Variants in MOV10L1 observed in about 807,000 individuals in gnomAD.
MOV10L1 encodes the protein RNA helicase Mov10l1.
A neutral mutation model predicts 143.8 loss-of-function variants in MOV10L1; 110 were observed. That is an observed-to-expected ratio of 0.76 (90% CI 0.66 to 0.90). The LOEUF (loss-of-function observed/expected upper bound fraction) is 0.90. Among genes scored for constraint, MOV10L1 ranks in the 40% least tolerant of loss-of-function variants. MOV10L1 has a pLI of 0.00. For missense variants in MOV10L1, 1,406 were observed against 1,526.8 expected, an observed-to-expected ratio of 0.92 and a Z score of 1.32; for synonymous variants, 593 against 581.1, an observed-to-expected ratio of 1.02 and a Z score of -0.29.
chr22:50,109,670 CAA>C (rs35087419), intron 5 of MOV10L1: 2,100 of 106,880 alleles, frequency 0.02, no homozygotes, highest in South Asian at 0.049. Context: ...GACTCCTTCT[CAA>C]AAAAAAAAAA....
chr22:50,098,442 T>G (rs2062653023), intron 2 of MOV10L1, among the ~76,000 whole-genome samples: 1 of 152,238 alleles, frequency 6.6e-6, no homozygotes, highest in South Asian at 2.1e-4. Context: ...GTTAGGTTAC[T>G]AAGTGTTCTG....
Position 50,141,328 on chromosome 22 carries a change from G to T in MOV10L1, c.2071-753G>T, listed in dbSNP as rs532028215. On this transcript the variant is annotated intron_variant, in intron 15 of 26. Transcript: ENST00000262794. Reference sequence around the variant, plus strand: ...TGGGATTATAGGCGTGAGCCACTGCGTGCAGCCTTTTTTTTTTTTATGAGT... The same window carrying T: ...TGGGATTATAGGCGTGAGCCACTGCTTGCAGCCTTTTTTTTTTTTATGAGT... 2.5e-3 allele frequency among the ~76,000 whole-genome samples: 370 copies of T among 146,732 alleles called. 4 individuals carry two copies. The highest frequency in any genetic ancestry group is 8.4e-3 in the African/African-American group (341 of 40,600).
intron 22 of MOV10L1, among the ~76,000 whole-genome samples, chr22:50,153,944 C>G (rs1198141065): frequency 6.6e-6 from 1 of 152,178 alleles, no homozygotes; most frequent in African/African-American, 2.4e-5. Flanking sequence ...CCCCGGAGGA[C>G]AGGGGTCCAG....
intron 1 of MOV10L1, chr22:50,091,341 A>T (rs1456204192): frequency 1.2e-5 from 2 of 167,390 alleles, no homozygotes; most frequent in Non-Finnish European, 2.9e-5. Flanking sequence ...CCGTGGCTGC[A>T]GCAGTGGCCA....
rs761943112 is a variant in MOV10L1 at position 50,134,078 on chromosome 22, T to C, written c.1969+13T>C. Reference sequence around the variant, plus strand: ...TTAGGTGTAAAAGGTATTACTTTTATAGAATGATAGTGTTACATCTTCACA... The same window carrying C: ...TTAGGTGTAAAAGGTATTACTTTTACAGAATGATAGTGTTACATCTTCACA... On this transcript the variant is annotated intron_variant, in intron 14 of 26. Coordinates refer to ENST00000262794, the MANE Select transcript of MOV10L1 (RefSeq NM_018995.3). 2 of 1,592,364 alleles carry C rather than the reference T, an allele frequency of 1.3e-6. No homozygotes were observed. The highest frequency in any genetic ancestry group is 4.5e-5 in the East Asian group (2 of 44,610).
Position 50,158,352 on chromosome 22 carries a change from A to C in MOV10L1, c.3216+146A>C, listed in dbSNP as rs528876240. 2 of 993,426 alleles carry C rather than the reference A, an allele frequency of 2.0e-6. No individual in the cohort carries two copies. Among genetic ancestry groups the C allele is most frequent in the African/African-American group, 3.3e-5 (2 of 60,326 alleles). 61.5% of individuals were successfully genotyped at this position (993,426 alleles called of 1,614,324 possible). The stretch of plus-strand genomic sequence containing the variant: ...CAGGACCGCACTTGAATGTCGTTCA[A>C]CATGAGAGGTCACCCAACTGCCATC... On this transcript the variant is annotated intron_variant, in intron 23 of 26. Transcript: ENST00000262794. The surrounding 1 kb of genome is among the most constrained non-coding windows in gnomAD (Gnocchi z 5.0).
At chr22:50,116,230 C>T (rs1050966391) in intron 8 of MOV10L1, among the ~76,000 whole-genome samples, 37 of 141,776 alleles carry the variant, frequency 2.6e-4, no homozygotes, top group Non-Finnish European at 4.7e-4. Context: ...AACATAGAAA[C>T]AGGTTTTTTC....
At position 50,158,294 on chromosome 22, in the gene MOV10L1, C is replaced by T. The variant is rs2063477880; in HGVS notation, c.3216+88C>T. ...GCAGCTCCACAGAGGCAGGAACAAG[C>T]TCCTTGTGAGCAGCAGCAGGTTTTT... On this transcript the variant is annotated intron_variant, in intron 23 of 26. Transcript: ENST00000262794. The surrounding 1 kb of genome is among the most constrained non-coding windows in gnomAD (Gnocchi z 5.0). 6.6e-7 allele frequency: 1 copy of T among 1,519,820 alleles called. No homozygotes were observed. The highest frequency in any genetic ancestry group is 9.0e-7 in the Non-Finnish European group (1 of 1,113,992). The allele number at this position is 1,519,820 out of a possible 1,614,324, so 94.1% of individuals were successfully genotyped here. A position where few individuals can be genotyped will look rare whatever the true frequency, so the allele number is the denominator to read the frequency against.
At chr22:50,115,277 G>T in intron 8 of MOV10L1, 31 bp downstream of exon 8, 1 of 1,461,678 alleles carries the variant, frequency 6.8e-7, no homozygotes, top group Non-Finnish European at 9.0e-7. Flanking sequence ...GGAGAGCCGC[G>T]TTTTTAAGTT....
At chr22:50,136,697 A>C (rs181073489) in intron 15 of MOV10L1, among the ~76,000 whole-genome samples, 163 of 152,272 alleles carry the variant, frequency 1.1e-3, no homozygotes, top group African/African-American at 3.9e-3. Flanking sequence ...AAGCTGACAG[A>C]GTAGAGTGCT....
chr22:50,157,509 G>C (rs2063456371), intron 22 of MOV10L1, among the ~76,000 whole-genome samples: 1 of 152,106 alleles, frequency 6.6e-6, no homozygotes, highest in Non-Finnish European at 1.5e-5. Context: ...TCTGTTTCCA[G>C]GTGGTGTCAG....
chr22:50,113,820 G>A (rs1385125344), intron 6 of MOV10L1, 32 bp downstream of exon 6: 6 of 1,541,670 alleles, frequency 3.9e-6, no homozygotes, highest in Non-Finnish European at 5.2e-6. Flanking sequence ...TTTCTATAAA[G>A]CTACATTAAT....
At position 50,161,371 on chromosome 22, in the gene MOV10L1, T is replaced by G; in HGVS notation, c.3558T>G (p.Cys1186Trp). 6.3e-7 allele frequency: 1 copy of G among 1,594,040 alleles called. No individual in the cohort carries two copies. Among genetic ancestry groups the G allele is most frequent in the Non-Finnish European group, 8.5e-7 (1 of 1,170,440 alleles). Residue 1186 changes from cysteine to tryptophan, a missense_variant, in exon 27 of 27, where the codon TGT becomes TGG. Transcript: ENST00000262794. Reference protein sequence around the residue: ...LPPALQSLQNCGEGVADPSYP... With the variant: ...LPPALQSLQNWGEGVADPSYP... ...TCCGCTTCTCCTCTGTCTACAGCTGTGGCGAGGGGGTGGCAGACCCCTCCT... is the reference window on the plus strand; with the variant it reads ...TCCGCTTCTCCTCTGTCTACAGCTGGGGCGAGGGGGTGGCAGACCCCTCCT...
chr22:50,157,484 G>A (rs57262148), intron 22 of MOV10L1, among the ~76,000 whole-genome samples: 19,275 of 151,968 alleles, frequency 0.13, 1,488 homozygotes, highest in Admixed American at 0.21. Flanking sequence ...TTAAATCTTC[G>A]ATCCACCTTG....
In MOV10L1 at chr22:50,134,539, C is replaced by T. The variant is rs1458586323; in HGVS notation, c.1979C>T (p.Pro660Leu). 1 of 1,613,592 alleles carries T rather than the reference C, an allele frequency of 6.2e-7. No homozygotes were observed. The highest frequency in any genetic ancestry group is 8.5e-7 in the Non-Finnish European group (1 of 1,179,846). Residue 660 changes from proline (P) to leucine (L), a missense_variant, in exon 15 of 27, where the codon CCA (proline) becomes CTA (leucine). This residue lies in a region of MOV10L1 where 1,233 missense variants were observed against 1,351.4 expected (regional missense o/e 0.91). Transcript: ENST00000262794. ...TTTTTTGTTTTAAAAGTGTTGTTTC[C>T]AGAAGAAATTATTTTACAGTCTCCA... ...VIHLGVKVLFPEEIILQSPQV... is the reference protein window; with the variant it reads ...VIHLGVKVLFLEEIILQSPQV...
chr22:50,092,126 C>G lies in MOV10L1; in HGVS notation c.223C>G (p.Gln75Glu). 1 of 1,614,138 alleles carries G rather than the reference C, an allele frequency of 6.2e-7. No individual in the cohort carries two copies. Residue 75 changes from glutamine to glutamate, a missense_variant, in exon 2 of 27, where the codon CAG (glutamine) becomes GAG (glutamate). Physicochemically the swap from Gln to Glu is conservative, Grantham distance 29. Around this residue, in one of 3 missense-constraint regions of MOV10L1, gnomAD observed 166 missense variants for 153.9 expected, o/e 1.08. Transcript: ENST00000262794. ...TAGCAGAGTGCTTCTGAATGTTGGA[C>G]AGGAAGTGATTGCAGTTGTGGAAGA... is the stretch of plus-strand genomic sequence containing the variant. ...VTSRVLLNVG[Q>E]EVIAVVEENK...
Position 50,108,419 on chromosome 22 carries a change from A to G in MOV10L1, c.555+171A>G, listed in dbSNP as rs760654399. On this transcript the variant is annotated intron_variant, in intron 4 of 26. Coordinates refer to ENST00000262794, the MANE Select transcript of MOV10L1 (RefSeq NM_018995.3). Reference sequence around the variant, plus strand: ...TTGACAATGCTGTGTTTCGTTTGGAAACAATAACTCCTAGTGCTTGCATAC... The same window carrying G: ...TTGACAATGCTGTGTTTCGTTTGGAGACAATAACTCCTAGTGCTTGCATAC... 3 of 779,690 alleles carry G rather than the reference A, an allele frequency of 3.8e-6. No individual in the cohort carries two copies. In the South Asian group the frequency reaches 4.4e-5, roughly 11 times the overall value. 48.3% of individuals were successfully genotyped at this position (779,690 alleles called of 1,614,324 possible).
Position 50,158,326 on chromosome 22 carries a change from G to A in MOV10L1, c.3216+120G>A. Reference sequence around the variant, plus strand: ...TGAGCAGCAGCAGGTTTTTAAAGGGGCAGGACCGCACTTGAATGTCGTTCA... The same window carrying A: ...TGAGCAGCAGCAGGTTTTTAAAGGGACAGGACCGCACTTGAATGTCGTTCA... On this transcript the variant is annotated intron_variant, in intron 23 of 26. Coordinates refer to ENST00000262794, the MANE Select transcript of MOV10L1 (RefSeq NM_018995.3). This position sits in a 1 kb window ranked among gnomAD's most constrained non-coding sequence, Gnocchi z 5.0. 2 of 1,249,684 alleles carry A rather than the reference G, an allele frequency of 1.6e-6. No individual in the cohort carries two copies. The highest frequency in any genetic ancestry group is 2.2e-6 in the Non-Finnish European group (2 of 904,756). The allele number at this position is 1,249,684 out of a possible 1,614,324, so 77.4% of individuals were successfully genotyped here.
chr22:50,136,151 G>A (rs188399803), intron 15 of MOV10L1, among the ~76,000 whole-genome samples: 76 of 152,268 alleles, frequency 5.0e-4, no homozygotes, highest in Non-Finnish European at 2.4e-4. Context: ...ATATTTCATA[G>A]TTGATCTCTT....
Sources: allele counts gnomAD v4.1 joint callset (sites outside exome capture counted in the v4.1 genomes callset), GRCh38; gene constraint gnomAD v4.1.1; regional missense constraint gnomAD v4.1.1; non-coding constraint Gnocchi (gnomAD v3.1); transcripts MANE v1.5; gene names NCBI Gene and HGNC (gene_info 2026-07-23, HGNC 2026-07-21).